Variants in TBC1D8 observed in about 807,000 individuals in gnomAD.
TBC1D8 encodes the protein BUB2-like protein 1.
Under a neutral mutation model 118.8 loss-of-function variants are expected in TBC1D8, and 65 were observed. The observed-to-expected ratio is 0.55, with a 90% CI of 0.45 to 0.67. TBC1D8 has a LOEUF of 0.67. TBC1D8 is among the 30% of genes least tolerant of loss of function. TBC1D8 has a pLI of 0.00. For synonymous variants in TBC1D8, 566 were observed against 595.8 expected (o/e 0.95, Z 0.73); for missense variants, 1,376 against 1,471.2 (o/e 0.94, Z 1.06).
chr2:101,097,268 G>A (rs370481530), intron 1 of TBC1D8, among the ~76,000 whole-genome samples: 25 of 152,096 alleles, frequency 1.6e-4, no homozygotes, highest in African/African-American at 5.5e-4. Flanking sequence ...AACAAAAACT[G>A]AGAAAATAAT....
At chr2:101,095,386 T>C (rs1322251685) in intron 1 of TBC1D8, among the ~76,000 whole-genome samples, 1 of 148,562 alleles carries the variant, frequency 6.7e-6, no homozygotes, top group Non-Finnish European at 1.5e-5. Context: ...TATCTCCTAA[T>C]GCTATCTCCC....
At chr2:101,112,902 C>G (rs55924910) in intron 1 of TBC1D8, among the ~76,000 whole-genome samples, 24,496 of 152,140 alleles carry the variant, frequency 0.16, 2,103 homozygotes, top group African/African-American at 0.21. Context: ...TCAAAAGAAC[C>G]CTTGCTGAAA....
At chr2:101,112,151 C>G (rs1677628680) in intron 1 of TBC1D8, among the ~76,000 whole-genome samples, 1 of 152,132 alleles carries the variant, frequency 6.6e-6, no homozygotes, top group African/African-American at 2.4e-5. Context: ...TCAGACCAAA[C>G]GTAGGGGTCC....
At chr2:101,035,100 G>A (rs1680922343) in intron 9 of TBC1D8, among the ~76,000 whole-genome samples, 1 of 152,154 alleles carries the variant, frequency 6.6e-6, no homozygotes, top group Non-Finnish European at 1.5e-5. Flanking sequence ...TAGTGAAGTA[G>A]GACAAGAGAT....
chr2:101,119,827 T>C (rs1029369580), intron 1 of TBC1D8, among the ~76,000 whole-genome samples: 1 of 152,218 alleles, frequency 6.6e-6, no homozygotes, highest in South Asian at 2.1e-4. Context: ...TCTTTATCCA[T>C]TGCATCTAGC....
rs183851408 is a variant in TBC1D8, at chr2:101,077,167, G to A, written c.283+13042C>T. Among the ~76,000 whole-genome samples the A allele has an allele frequency of 4.5e-4, 68 of 151,462 alleles. 1 individual carries two copies. In the East Asian group the frequency reaches 0.011, roughly 26 times the overall value. On this transcript the variant is annotated intron_variant, in intron 2 of 19. Coordinates refer to ENST00000409318, the MANE Select transcript of TBC1D8 (RefSeq NM_001330348.2). ...GCCTCCCGGGTAGATGGGACTACAGGTGCCCACCACCACGCCCAGCTAATT... is the reference window on the plus strand; with the variant it reads ...GCCTCCCGGGTAGATGGGACTACAGATGCCCACCACCACGCCCAGCTAATT...
chr2:101,151,119 C>G lies in TBC1D8; in HGVS notation c.127+8G>C. On this transcript the variant is annotated splice_region_variant and intron_variant, in intron 1 of 19. Coordinates refer to ENST00000409318, the MANE Select transcript of TBC1D8 (RefSeq NM_001330348.2). ...CGGCCGCCGCGCCCGCCCCGGCGAG[C>G]CCCTTACCGGTGAGGCGGCCGCCCC... 1 of 1,090,646 alleles carries G rather than the reference C, an allele frequency of 9.2e-7. No homozygotes were observed. Among genetic ancestry groups the G allele is most frequent in the Non-Finnish European group, 1.1e-6 (1 of 885,082 alleles). 67.6% of individuals were successfully genotyped at this position (1,090,646 alleles called of 1,614,324 possible).
At chr2:101,033,803 T>A in intron 9 of TBC1D8, 45 bp from the exon 10 acceptor site, 1 of 1,579,568 alleles carries the variant, frequency 6.3e-7, no homozygotes, top group Non-Finnish European at 8.6e-7. Context: ...ATTACTAGGA[T>A]GGTGTCATGA....
chr2:101,031,763 C>CT (rs1456019141), intron 11 of TBC1D8, among the ~76,000 whole-genome samples: 1 of 152,154 alleles, frequency 6.6e-6, no homozygotes, highest in Non-Finnish European at 1.5e-5. Flanking sequence ...CAAGTCTGCC[C>CT]TTTAACTGAC....
At chr2:101,092,619 G>C (rs1025806147) in intron 1 of TBC1D8, among the ~76,000 whole-genome samples, 3 of 151,928 alleles carry the variant, frequency 2.0e-5, no homozygotes, top group East Asian at 3.9e-4. Context: ...GATTGTCCCA[G>C]GTTTGGCCAG....
chr2:101,027,842 A>T (rs1680426503), intron 14 of TBC1D8, among the ~76,000 whole-genome samples: 1 of 152,246 alleles, frequency 6.6e-6, no homozygotes, highest in Admixed American at 6.5e-5. Context: ...TACACGGGGG[A>T]AACAGGCTCA....
intron 1 of TBC1D8, among the ~76,000 whole-genome samples, chr2:101,096,785 G>A: frequency 7.4e-6 from 1 of 135,150 alleles, no homozygotes; most frequent in East Asian, 2.3e-4. Context: ...AAAGCAAAGT[G>A]AGAGAGAGGG....
chr2:101,054,959 G>A (rs1485731431), intron 3 of TBC1D8, among the ~76,000 whole-genome samples: 1 of 151,640 alleles, frequency 6.6e-6, no homozygotes, highest in Non-Finnish European at 1.5e-5. Context: ...TGGGATTACA[G>A]GCATGAGCCA....
At chr2:101,081,292 AC>A (rs1444995110) in intron 2 of TBC1D8, among the ~76,000 whole-genome samples, 1 of 152,092 alleles carries the variant, frequency 6.6e-6, no homozygotes, top group Non-Finnish European at 1.5e-5. Flanking sequence ...CCTGCACCCC[AC>A]AATGCCCAGG....
At chr2:101,118,976 C>A (rs1437541605) in intron 1 of TBC1D8, among the ~76,000 whole-genome samples, 4 of 152,148 alleles carry the variant, frequency 2.6e-5, no homozygotes, top group Non-Finnish European at 4.4e-5. Context: ...CACCACTACA[C>A]TCCAGCCTGG....
intron 1 of TBC1D8, among the ~76,000 whole-genome samples, chr2:101,113,606 T>C (rs1317773722): frequency 1.3e-5 from 2 of 152,058 alleles, no homozygotes; most frequent in South Asian, 4.1e-4. Context: ...CAATTCTACC[T>C]CCACCTTGCA....
At chr2:101,114,609 T>C (rs796054) in intron 1 of TBC1D8, among the ~76,000 whole-genome samples, 18,233 of 152,270 alleles carry the variant, frequency 0.12, 1,345 homozygotes, top group South Asian at 0.21. Context: ...TCTGTTACAG[T>C]ACCCTACTAA....
intron 1 of TBC1D8, among the ~76,000 whole-genome samples, chr2:101,127,221 A>G (rs974895742): frequency 2.0e-5 from 3 of 152,112 alleles, no homozygotes; most frequent in Admixed American, 1.3e-4. Flanking sequence ...CTGTAATCCC[A>G]GCTACTTGGG....
Position 101,038,573 on chromosome 2 carries a change from T to TG in TBC1D8, c.1162dup (p.Gln388ProfsTer4). 6.2e-7 allele frequency: 1 copy of TG among 1,613,836 alleles called. No individual in the cohort carries two copies. The highest frequency in any genetic ancestry group is 8.5e-7 in the Non-Finnish European group (1 of 1,179,876). On this transcript the variant is annotated frameshift_variant, in exon 7 of 20. Coordinates refer to ENST00000409318, the MANE Select transcript of TBC1D8 (RefSeq NM_001330348.2). LOFTEE classifies it high-confidence loss of function. ...GTCTCGGTCCCGGAGCTCAATGAACTGGAAGGCCACCTTGCTTCTGATACT... is the reference window on the plus strand; with the variant it reads ...GTCTCGGTCCCGGAGCTCAATGAACTGGGAAGGCCACCTTGCTTCTGATACT...
Sources: allele counts gnomAD v4.1 joint callset (sites outside exome capture counted in the v4.1 genomes callset), GRCh38; gene constraint gnomAD v4.1.1; transcripts MANE v1.5; gene names NCBI Gene and HGNC (gene_info 2026-07-23, HGNC 2026-07-21).